RELN: variants seen among roughly 807,000 people sequenced by gnomAD.
RELN encodes the protein reelin.
In RELN, 108 loss-of-function variants were observed where a neutral mutation model predicts 427.6. The observed-to-expected ratio is 0.25, with a 90% CI of 0.22 to 0.30. RELN has a LOEUF of 0.30. Among genes scored for constraint, RELN ranks in the 10% least tolerant of loss-of-function variants. The pLI, the probability that RELN is intolerant of heterozygous loss-of-function variation, is 1.00. For synonymous variants in RELN, 1,524 were observed against 1,513.4 expected, an observed-to-expected ratio of 1.01 and a Z score of -0.16; for missense variants, 3,715 against 4,302.8, an observed-to-expected ratio of 0.86 and a Z score of 3.82.
rs115027637 is a variant in RELN, at chr7:103,492,959, A to G, written c.9370-933T>C. Among the ~76,000 whole-genome samples the G allele has an allele frequency of 6.1e-3, 925 of 152,316 alleles. 9 individuals carry two copies. The highest frequency in any genetic ancestry group is 0.021 in the African/African-American group (869 of 41,566). The stretch of plus-strand genomic sequence containing the variant: ...ATGTTTTGGTCCAAGTATATCGTAT[A>G]TGAAATATTCAGAGATGAGGTTAGA... On this transcript the variant is annotated intron_variant, in intron 57 of 64. Transcript: ENST00000428762.
intron 11 of RELN, among the ~76,000 whole-genome samples, chr7:103,666,374 T>A (rs1833268430): frequency 6.6e-6 from 1 of 152,160 alleles, no homozygotes; most frequent in African/African-American, 2.4e-5. Context: ...GCCCCACTTC[T>A]TTGATTCTTT....
At chr7:103,592,497 G>A (rs760922902) in intron 27 of RELN, among the ~76,000 whole-genome samples, 27 of 152,130 alleles carry the variant, frequency 1.8e-4, no homozygotes, top group Non-Finnish European at 1.9e-4. Context: ...ACATACACAT[G>A]CATGTGTCTT....
chr7:103,552,566 A>G (rs551908363), intron 40 of RELN, among the ~76,000 whole-genome samples: 1 of 149,234 alleles, frequency 6.7e-6, no homozygotes, highest in South Asian at 2.1e-4. Flanking sequence ...GTAGTGGCAC[A>G]ATCTCGGCTC....
chr7:103,573,315 T>G lies in RELN; in HGVS notation c.4511+777A>C, dbSNP rs1331525516. Among the ~76,000 whole-genome samples, 1 of 152,228 alleles carries G rather than the reference T, an allele frequency of 6.6e-6. No individual in the cohort carries two copies. The highest frequency in any genetic ancestry group is 1.5e-5 in the Non-Finnish European group (1 of 68,032). ...AGTCAGATAATTACCTGTCAGTTGC[T>G]GATTTAGACTCACTTGGCTAAATTT... On this transcript the variant is annotated intron_variant, in intron 30 of 64. Transcript: ENST00000428762. The surrounding 1 kb of genome is among the most constrained non-coding windows in gnomAD (Gnocchi z 4.4).
intron 31 of RELN, 151 bp from the exon 32 acceptor site, chr7:103,566,910 C>T: frequency 1.4e-6 from 1 of 736,024 alleles, no homozygotes; most frequent in Admixed American, 2.2e-5. Context: ...AATTAGTGGA[C>T]CTGAAGGCTC....
chr7:103,580,663 A>G (rs941306668), intron 28 of RELN, among the ~76,000 whole-genome samples: 1 of 152,138 alleles, frequency 6.6e-6, no homozygotes, highest in East Asian at 1.9e-4. Flanking sequence ...AAGTTTTATT[A>G]TAGTGTACCC....
chr7:103,959,838 G>C (rs773650291), intron 1 of RELN, among the ~76,000 whole-genome samples: 1 of 151,974 alleles, frequency 6.6e-6, no homozygotes, highest in Non-Finnish European at 1.5e-5. Flanking sequence ...AGGCTCAAGC[G>C]ATCCTCTTGC....
intron 51 of RELN, among the ~76,000 whole-genome samples, chr7:103,507,880 C>A (rs1829268784): frequency 6.6e-6 from 1 of 152,128 alleles, no homozygotes; most frequent in Non-Finnish European, 1.5e-5. Flanking sequence ...GAAATACAAA[C>A]TACCGTCAGA....
At chr7:103,742,074 C>G (rs1170252715) in intron 6 of RELN, among the ~76,000 whole-genome samples, 1 of 152,172 alleles carries the variant, frequency 6.6e-6, no homozygotes, top group African/African-American at 2.4e-5. Flanking sequence ...AAAACTTCCA[C>G]AGGAACGATC....
chr7:103,509,323 G>C (rs1829319851), intron 51 of RELN, among the ~76,000 whole-genome samples: 1 of 152,104 alleles, frequency 6.6e-6, no homozygotes, highest in South Asian at 2.1e-4. Flanking sequence ...CAATCAAACA[G>C]AACAGAGGCC....
At chr7:103,850,505 G>C (rs1793796329) in intron 2 of RELN, among the ~76,000 whole-genome samples, 1 of 152,126 alleles carries the variant, frequency 6.6e-6, no homozygotes, top group South Asian at 2.1e-4. Context: ...TCCATCGAGA[G>C]GGTAGCCAGA....
chr7:103,755,924 A>G (rs996501782), intron 4 of RELN, among the ~76,000 whole-genome samples: 4 of 151,850 alleles, frequency 2.6e-5, no homozygotes, highest in Admixed American at 2.6e-4. Context: ...GAAAAGAAAA[A>G]CCCTGTCTAC....
Position 103,753,217 on chromosome 7 carries a change from G to T in RELN, c.545-3C>A. 1 of 1,613,934 alleles carries T rather than the reference G, an allele frequency of 6.2e-7. No homozygotes were observed. Among genetic ancestry groups the T allele is most frequent in the Admixed American group, 1.7e-5 (1 of 60,024 alleles). ...GTGCACAGTGACATCTGTTGGAGCTGAATCAAGAGAGGAAAGAAGAAAGAC... is the reference window on the plus strand; with the variant it reads ...GTGCACAGTGACATCTGTTGGAGCTTAATCAAGAGAGGAAAGAAGAAAGAC... On this transcript the variant is annotated splice_region_variant and splice_polypyrimidine_tract_variant and intron_variant, in intron 4 of 64. Coordinates refer to ENST00000428762, the MANE Select transcript of RELN (RefSeq NM_005045.4).
intron 2 of RELN, among the ~76,000 whole-genome samples, chr7:103,854,065 C>T (rs921571381): frequency 3.3e-5 from 5 of 152,038 alleles, no homozygotes; most frequent in Non-Finnish European, 4.4e-5. Context: ...ATATATGTAT[C>T]GAAATGTCAC....
chr7:103,650,491 A>C, intron 15 of RELN, 108 bp from the exon 16 acceptor site: 1 of 760,584 alleles, frequency 1.3e-6, no homozygotes, highest in Non-Finnish European at 2.4e-6. Flanking sequence ...AAAAGCACTA[A>C]AGTTTACCAA....
intron 1 of RELN, among the ~76,000 whole-genome samples, chr7:103,984,488 A>G (rs947549323): frequency 6.6e-6 from 1 of 152,196 alleles, no homozygotes; most frequent in Non-Finnish European, 1.5e-5. Context: ...CCAAAATGAA[A>G]TATTTTGAAC....
chr7:103,782,978 T>C (rs1343742396), intron 3 of RELN, among the ~76,000 whole-genome samples: 3 of 152,072 alleles, frequency 2.0e-5, no homozygotes, highest in Non-Finnish European at 4.4e-5. Context: ...CTGAAGTTAG[T>C]CTTGTGTAAT....
chr7:103,486,468 C>T (rs1325498670), intron 60 of RELN, 52 bp from the exon 61 acceptor site: 1 of 1,327,732 alleles, frequency 7.5e-7, no homozygotes, highest in Admixed American at 1.8e-5. Context: ...CAGAGTCATT[C>T]AAGATTAAGA....
chr7:103,821,734 G>A (rs74459882), intron 3 of RELN, among the ~76,000 whole-genome samples: 610 of 152,178 alleles, frequency 4.0e-3, no homozygotes, highest in Non-Finnish European at 6.8e-3. Flanking sequence ...TTAAAACCAG[G>A]GGTTGATTAA....
Sources: allele counts gnomAD v4.1 joint callset (sites outside exome capture counted in the v4.1 genomes callset), GRCh38; gene constraint gnomAD v4.1.1; non-coding constraint Gnocchi (gnomAD v3.1); transcripts MANE v1.5; gene names NCBI Gene and HGNC (gene_info 2026-07-23, HGNC 2026-07-21).